The following RPS6KA5 variants were observed in gnomAD, a reference collection of about 807,000 sequenced individuals.
RPS6KA5 encodes ribosomal protein S6 kinase alpha-5.
A neutral mutation model predicts 85.5 loss-of-function variants in RPS6KA5; 27 were observed. The ratio of observed to expected loss-of-function variants is 0.32; its 90% confidence interval spans 0.23 to 0.44. RPS6KA5 has a LOEUF of 0.44. Among genes scored for constraint, RPS6KA5 ranks in the 20% least tolerant of loss-of-function variants. The pLI is 1.00. For missense variants in RPS6KA5, 811 were observed against 980.9 expected (o/e 0.83, Z 2.31); for synonymous variants, 334 against 348.2 (o/e 0.96, Z 0.46).
At chr14:90,893,900 ATAT>A in intron 13 of RPS6KA5, 1 of 605,924 alleles carries the variant, frequency 1.7e-6, no homozygotes, top group South Asian at 7.4e-5. Flanking sequence ...AGTTCTATAA[ATAT>A]TATAGCACGA....
intron 2 of RPS6KA5, among the ~76,000 whole-genome samples, chr14:90,982,550 ACT>A (rs1458935847): frequency 3.9e-5 from 6 of 152,220 alleles, no homozygotes; most frequent in Admixed American, 2.6e-4. Context: ...ACTAGGTATG[ACT>A]CTCTAATTTC....
intron 12 of RPS6KA5, among the ~76,000 whole-genome samples, chr14:90,898,392 T>A (rs919022351): frequency 2.0e-5 from 3 of 152,180 alleles, no homozygotes; most frequent in African/African-American, 7.2e-5. Flanking sequence ...TGATGTATCA[T>A]TCCTGGCAAT....
chr14:90,965,324 A>G (rs2039003902), intron 3 of RPS6KA5, among the ~76,000 whole-genome samples: 1 of 152,146 alleles, frequency 6.6e-6, no homozygotes, highest in Admixed American at 6.5e-5. Flanking sequence ...CAGTGAGCCG[A>G]GATCGCACCA....
intron 3 of RPS6KA5, among the ~76,000 whole-genome samples, chr14:90,955,596 T>TA (rs1365393961): frequency 6.6e-6 from 1 of 151,824 alleles, no homozygotes; most frequent in Admixed American, 6.6e-5. Context: ...CTCATTCCAT[T>TA]GTGGAGAGGA....
intron 1 of RPS6KA5, among the ~76,000 whole-genome samples, chr14:91,048,986 T>A (rs1043445935): frequency 6.6e-6 from 1 of 152,216 alleles, no homozygotes; most frequent in African/African-American, 2.4e-5. Context: ...TTCCTTGCTT[T>A]GGAGCAGAGG....
At position 90,864,780 on chromosome 14, in the gene RPS6KA5, A is replaced by G. The variant is rs2032730115; in HGVS notation, c.*7294T>C. 6.6e-6 allele frequency: 1 copy of G among 152,238 alleles called. No individual in the cohort carries two copies. The highest frequency in any genetic ancestry group is 2.4e-5 in the African/African-American group (1 of 41,468). The allele number at this position is 152,238 out of a possible 1,614,324, so 9.4% of individuals were successfully genotyped here. A position where few individuals can be genotyped will look rare whatever the true frequency, so the allele number is the denominator to read the frequency against. On this transcript the variant is annotated 3_prime_UTR_variant, in exon 17 of 17. Coordinates refer to ENST00000614987, the MANE Select transcript of RPS6KA5 (RefSeq NM_004755.4). The stretch of plus-strand genomic sequence containing the variant: ...TAATAAAAATATAAAAAGGTGTTCC[A>G]CACATCACTACTTATCAGGAAAATA...
At chr14:90,962,723 T>A (rs991642971) in intron 3 of RPS6KA5, among the ~76,000 whole-genome samples, 1 of 152,196 alleles carries the variant, frequency 6.6e-6, no homozygotes, top group South Asian at 2.1e-4. Context: ...TCCAAAATTG[T>A]AAGAACAATA....
At position 90,998,219 on chromosome 14, in the gene RPS6KA5, T is replaced by G. The variant is rs983887720; in HGVS notation, c.175+2869A>C. Among the ~76,000 whole-genome samples, 5 of 152,152 alleles carry G rather than the reference T, an allele frequency of 3.3e-5. No homozygotes were observed. The South Asian group carries it at 6.2e-4, about 19-fold the overall frequency. On this transcript the variant is annotated intron_variant, in intron 2 of 16. Transcript: ENST00000614987. ...GGACTGGGGAGGATGGTGAGCTTGC[T>G]TGGGCATTAATAGCTAAAGGGTTCA... is the stretch of plus-strand genomic sequence containing the variant.
chr14:91,053,866 G>A (rs1402718070), intron 1 of RPS6KA5, among the ~76,000 whole-genome samples: 2 of 152,124 alleles, frequency 1.3e-5, no homozygotes, highest in Non-Finnish European at 2.9e-5. Context: ...GAATCCATAT[G>A]GAAATACAAG....
At chr14:91,038,201 T>C (rs1309867375) in intron 1 of RPS6KA5, among the ~76,000 whole-genome samples, 1 of 152,150 alleles carries the variant, frequency 6.6e-6, no homozygotes. Context: ...GAAGTCTCCT[T>C]CTGAGATTTC....
chr14:90,978,638 T>A, intron 2 of RPS6KA5, 114 bp from the exon 3 acceptor site: 1 of 698,404 alleles, frequency 1.4e-6, no homozygotes, highest in Non-Finnish European at 2.3e-6. Context: ...AAGGAAAAAG[T>A]ACCCTTGGTA....
intron 1 of RPS6KA5, among the ~76,000 whole-genome samples, chr14:91,024,834 T>C (rs530392795): frequency 6.6e-6 from 1 of 152,328 alleles, no homozygotes; most frequent in Admixed American, 6.5e-5. Flanking sequence ...TGTATGTGTT[T>C]TGTCTAAAGT....
chr14:90,885,600 G>T lies in RPS6KA5; in HGVS notation c.1836+4887C>A, dbSNP rs1191374771. 7.5e-5 allele frequency among the ~76,000 whole-genome samples: 9 copies of T among 120,128 alleles called. No individual in the cohort carries two copies. In the East Asian group the frequency reaches 2.0e-3, roughly 27 times the overall value. 78.8% of individuals were successfully genotyped at this position (120,128 alleles called of 152,430 possible). A position where few individuals can be genotyped will look rare whatever the true frequency, so the allele number is the denominator to read the frequency against. Reference sequence around the variant, plus strand: ...AAAAAAAAAAAAAAAAAATTAGACGGGCGAGGTGGCGGGCGCCTGTAGTCC... The same window carrying T: ...AAAAAAAAAAAAAAAAAATTAGACGTGCGAGGTGGCGGGCGCCTGTAGTCC... On this transcript the variant is annotated intron_variant, in intron 14 of 16. Coordinates refer to ENST00000614987, the MANE Select transcript of RPS6KA5 (RefSeq NM_004755.4).
rs2032715726 is a variant in RPS6KA5 at position 90,864,491 on chromosome 14, A to C, written c.*7583T>G. On this transcript the variant is annotated 3_prime_UTR_variant, in exon 17 of 17. Transcript: ENST00000614987. ...ATATCTTCATAACCTTGGTGTGAAC[A>C]TTTATTAAATACGACGCAAAAGTAT... 1.3e-5 allele frequency: 2 copies of C among 152,224 alleles called. No homozygotes were observed. Among genetic ancestry groups the C allele is most frequent in the African/African-American group, 4.8e-5 (2 of 41,462 alleles). The allele number at this position is 152,224 out of a possible 1,614,324, so 9.4% of individuals were successfully genotyped here.
intron 9 of RPS6KA5, among the ~76,000 whole-genome samples, chr14:90,901,961 C>T (rs1336269006): frequency 1.3e-5 from 2 of 152,094 alleles, no homozygotes; most frequent in East Asian, 1.9e-4. Flanking sequence ...GCAGGAGGAT[C>T]GCTTGAGGCC....
At chr14:90,997,792 C>T (rs931210954) in intron 2 of RPS6KA5, among the ~76,000 whole-genome samples, 4 of 152,094 alleles carry the variant, frequency 2.6e-5, no homozygotes, top group Middle Eastern at 3.4e-3. Context: ...GGGCAGATCG[C>T]CTGAGGTCAG....
intron 5 of RPS6KA5, among the ~76,000 whole-genome samples, chr14:90,937,388 G>A (rs188801142): frequency 2.5e-4 from 38 of 152,134 alleles, no homozygotes; most frequent in Admixed American, 4.6e-4. Context: ...ATAGCTAGGC[G>A]GGAATATGGT....
At chr14:90,978,929 T>G (rs1459233486) in intron 2 of RPS6KA5, among the ~76,000 whole-genome samples, 1 of 152,158 alleles carries the variant, frequency 6.6e-6, no homozygotes, top group Non-Finnish European at 1.5e-5. Context: ...AAGGCAGTTC[T>G]TAATAAGAAT....
intron 1 of RPS6KA5, among the ~76,000 whole-genome samples, chr14:91,019,749 A>G (rs2041666091): frequency 6.6e-6 from 1 of 152,180 alleles, no homozygotes; most frequent in Admixed American, 6.5e-5. Context: ...TCAGCCAGAC[A>G]TTTTCATCTT....
Sources: allele counts gnomAD v4.1 joint callset (sites outside exome capture counted in the v4.1 genomes callset), GRCh38; gene constraint gnomAD v4.1.1; transcripts MANE v1.5; gene names NCBI Gene and HGNC (gene_info 2026-07-23, HGNC 2026-07-21).